MAP3K13: variants seen among roughly 807,000 people sequenced by gnomAD.
MAP3K13 encodes leucine zipper-bearing kinase.
Under a neutral mutation model 104.0 loss-of-function variants are expected in MAP3K13, and 52 were observed. That is an observed-to-expected ratio of 0.50 (90% CI 0.40 to 0.63). The LOEUF (loss-of-function observed/expected upper bound fraction) is 0.63, where lower values mean the gene tolerates loss of function less well. Among genes scored for constraint, MAP3K13 ranks in the 20% least tolerant of loss-of-function variants. The pLI is 0.00. For synonymous variants in MAP3K13, 394 were observed against 442.2 expected (o/e 0.89, Z 1.37); for missense variants, 914 against 1,218.5 (o/e 0.75, Z 3.72).
At position 185,483,202 on chromosome 3, in the gene MAP3K13, C is replaced by A. The variant is rs1718560980; in HGVS notation, c.*746C>A. On this transcript the variant is annotated 3_prime_UTR_variant, in exon 14 of 14. Coordinates refer to ENST00000265026, the MANE Select transcript of MAP3K13 (RefSeq NM_004721.5). The stretch of plus-strand genomic sequence containing the variant: ...AACCTGTGTATGTGGAAGCTGGTTT[C>A]ATTTTTAAATGTTTAAGCAGCAGTT... 4.3e-6 allele frequency: 1 copy of A among 233,020 alleles called. No individual in the cohort carries two copies. Among genetic ancestry groups the A allele is most frequent in the South Asian group, 1.8e-4 (1 of 5,532 alleles). The allele number at this position is 233,020 out of a possible 1,614,324, so 14.4% of individuals were successfully genotyped here. A position where few individuals can be genotyped will look rare whatever the true frequency, so the allele number is the denominator to read the frequency against.
chr3:185,382,159 A>G (rs1483034230), intron 1 of MAP3K13, among the ~76,000 whole-genome samples: 1 of 152,206 alleles, frequency 6.6e-6, no homozygotes, highest in Non-Finnish European at 1.5e-5. Flanking sequence ...TTTTTCCTAA[A>G]CATATATACC....
At position 185,369,622 on chromosome 3, in the gene MAP3K13, T is replaced by C. The variant is rs545447422; in HGVS notation, c.-86+6254T>C. Among the ~76,000 whole-genome samples, 19 of 152,366 alleles carry C rather than the reference T, an allele frequency of 1.2e-4. No homozygotes were observed. The South Asian group carries it at 3.5e-3, about 28-fold the overall frequency. ...TAAGGCATAGTTAATGGGTGGGATG[T>C]GTTCTGCTTCTCAGATGAATTGGGC... is the stretch of plus-strand genomic sequence containing the variant. On this transcript the variant is annotated intron_variant, in intron 1 of 13. Coordinates refer to ENST00000265026, the MANE Select transcript of MAP3K13 (RefSeq NM_004721.5).
chr3:185,313,485 G>T (rs1721568372), intron 2 of MAP3K13, among the ~76,000 whole-genome samples: 1 of 151,832 alleles, frequency 6.6e-6, no homozygotes, highest in Non-Finnish European at 1.5e-5. Context: ...TAGCCAGGAT[G>T]GTCTCGATGT....
chr3:185,325,765 A>G (rs1399233071), intron 2 of MAP3K13, among the ~76,000 whole-genome samples: 1 of 152,140 alleles, frequency 6.6e-6, no homozygotes, highest in Non-Finnish European at 1.5e-5. Context: ...ATGGCATCTC[A>G]GTGTATGAAA....
intron 1 of MAP3K13, among the ~76,000 whole-genome samples, chr3:185,389,521 A>T (rs2108766449): frequency 6.6e-6 from 1 of 152,226 alleles, no homozygotes; most frequent in Admixed American, 6.5e-5. Context: ...AACCATGTAA[A>T]AAAGACTGCC....
intron 2 of MAP3K13, among the ~76,000 whole-genome samples, chr3:185,286,441 C>A (rs1720514517): frequency 6.6e-6 from 1 of 151,626 alleles, no homozygotes; most frequent in Non-Finnish European, 1.5e-5. Context: ...ATCTATTTGG[C>A]CTTACACACA....
intron 1 of MAP3K13, among the ~76,000 whole-genome samples, chr3:185,370,608 GT>G (rs1233379292): frequency 6.6e-6 from 1 of 152,148 alleles, no homozygotes; most frequent in African/African-American, 2.4e-5. Flanking sequence ...TGGATTATAG[GT>G]TAAATCACCT....
rs1718832754 is a variant in MAP3K13 at position 185,488,586 on chromosome 3, TG to T, written c.*6132del. 2 of 152,274 alleles carry T rather than the reference TG, an allele frequency of 1.3e-5. No homozygotes were observed. The highest frequency in any genetic ancestry group is 6.5e-5 in the Admixed American group (1 of 15,282). 9.4% of individuals were successfully genotyped at this position (152,274 alleles called of 1,614,324 possible). On this transcript the variant is annotated 3_prime_UTR_variant, in exon 14 of 14. Transcript: ENST00000265026. ...TTCACAGAGCAGAGCCCTAAGCAGATGGCAAGGCCACTGTAAGGAAGCTCCC... is the reference window on the plus strand; with the variant it reads ...TTCACAGAGCAGAGCCCTAAGCAGATGCAAGGCCACTGTAAGGAAGCTCCC...
chr3:185,284,998 G>C lies in MAP3K13; in HGVS notation c.-204-527G>C, dbSNP rs377235864. Among the ~76,000 whole-genome samples the C allele has an allele frequency of 2.6e-4, 40 of 152,074 alleles. No individual in the cohort carries two copies. In the South Asian group the frequency reaches 8.1e-3, roughly 31 times the overall value. ...GAATCTTACTGTTAGATGGGGTATA[G>C]TGGGGTAGGAAACCCTGAATTTATG... On this transcript the variant is annotated intron_variant, in intron 1 of 14. Coordinates refer to the MAP3K13 transcript ENST00000424227.
At chr3:185,346,268 A>G (rs1237639949) in intron 2 of MAP3K13, among the ~76,000 whole-genome samples, 1 of 152,222 alleles carries the variant, frequency 6.6e-6, no homozygotes, top group Admixed American at 6.5e-5. Context: ...AAAGCAATAC[A>G]TTTGTACTTC....
chr3:185,485,555 A>G lies in MAP3K13; in HGVS notation c.*3099A>G, dbSNP rs1718676066. 6.6e-6 allele frequency: 1 copy of G among 151,554 alleles called. No homozygotes were observed. The highest frequency in any genetic ancestry group is 6.6e-5 in the Admixed American group (1 of 15,214). 9.4% of individuals were successfully genotyped at this position (151,554 alleles called of 1,614,324 possible). A position where few individuals can be genotyped will look rare whatever the true frequency, so the allele number is the denominator to read the frequency against. ...TCCAGCATATTCATGCTGCTCATCC[A>G]TTAGTCACTTAGTAGCAGTCTCGGT... On this transcript the variant is annotated 3_prime_UTR_variant, in exon 14 of 14. Transcript: ENST00000265026.
intron 2 of MAP3K13, among the ~76,000 whole-genome samples, chr3:185,338,611 A>G (rs1304654229): frequency 1.3e-5 from 2 of 152,344 alleles, no homozygotes; most frequent in African/African-American, 2.4e-5. Context: ...TGCCTTCATT[A>G]TATAACATTA....
At chr3:185,435,065 G>A (rs1024943868) in intron 2 of MAP3K13, among the ~76,000 whole-genome samples, 2 of 151,798 alleles carry the variant, frequency 1.3e-5, no homozygotes, top group African/African-American at 2.4e-5. Context: ...GTGCAGTGGC[G>A]CATTCTCAGC....
chr3:185,347,131 T>C (rs928545106), intron 2 of MAP3K13, among the ~76,000 whole-genome samples: 1 of 151,550 alleles, frequency 6.6e-6, no homozygotes, highest in African/African-American at 2.4e-5. Context: ...GGATTACAGG[T>C]GTGCACTACC....
At chr3:185,283,388 A>T (rs1560032076) in intron 1 of MAP3K13, among the ~76,000 whole-genome samples, 3 of 152,102 alleles carry the variant, frequency 2.0e-5, no homozygotes, top group Admixed American at 2.0e-4. Flanking sequence ...TGTTCTGCTA[A>T]TAGGGGACAG....
At chr3:185,444,686 A>C (rs1356292491) in intron 4 of MAP3K13, among the ~76,000 whole-genome samples, 2 of 152,212 alleles carry the variant, frequency 1.3e-5, no homozygotes, top group Non-Finnish European at 2.9e-5. Flanking sequence ...AAAATGATTT[A>C]TTTCAGTATA....
intron 2 of MAP3K13, among the ~76,000 whole-genome samples, chr3:185,433,068 A>G (rs998156192): frequency 1.3e-5 from 2 of 152,244 alleles, no homozygotes; most frequent in Non-Finnish European, 2.9e-5. Flanking sequence ...CTGTCACTGG[A>G]TTTTTAAAAA....
At chr3:185,420,561 T>TA (rs1469174553) in intron 1 of MAP3K13, among the ~76,000 whole-genome samples, 2 of 152,218 alleles carry the variant, frequency 1.3e-5, no homozygotes, top group African/African-American at 4.8e-5. Flanking sequence ...TATTCATTTT[T>TA]AAAGATAGGC....
intron 7 of MAP3K13, among the ~76,000 whole-genome samples, chr3:185,455,764 T>TATATATATGATATATATATGAG (rs1716655201): frequency 1.1e-5 from 1 of 93,074 alleles, no homozygotes; most frequent in African/African-American, 4.0e-5. Flanking sequence ...ATATATGAGA[T>TATATATATGATATATATATGAG]ATATATATGA....
Sources: allele counts gnomAD v4.1 joint callset (sites outside exome capture counted in the v4.1 genomes callset), GRCh38; gene constraint gnomAD v4.1.1; transcripts MANE v1.5; gene names NCBI Gene and HGNC (gene_info 2026-07-23, HGNC 2026-07-21).